Variants in RAPGEF4 observed in about 807,000 individuals in gnomAD.
The protein encoded by RAPGEF4 is RAP guanine-nucleotide-exchange factor (GEF) 4.
A neutral mutation model predicts 147.9 loss-of-function variants in RAPGEF4; 66 were observed. The ratio of observed to expected loss-of-function variants is 0.45; its 90% CI spans 0.37 to 0.55. The LOEUF is 0.55. Ranked by LOEUF, RAPGEF4 falls within the 20% of genes least tolerant of loss-of-function variation. The pLI, the probability that RAPGEF4 is intolerant of heterozygous loss-of-function variation, is 0.00. For synonymous variants in RAPGEF4, 419 were observed against 442.7 expected, an observed-to-expected ratio of 0.95 and a Z score of 0.67; for missense variants, 1,071 against 1,257.3, an observed-to-expected ratio of 0.85 and a Z score of 2.24.
At chr2:172,823,517 CGTG>C (rs1689317013) in intron 4 of RAPGEF4, among the ~76,000 whole-genome samples, 1 of 152,134 alleles carries the variant, frequency 6.6e-6, no homozygotes, top group Non-Finnish European at 1.5e-5. Context: ...AGAAGGAACT[CGTG>C]GTGAGGACTG....
chr2:172,814,289 C>T lies in RAPGEF4; in HGVS notation c.308C>T (p.Thr103Ile). The T allele has an allele frequency of 1.2e-6, 2 of 1,614,124 alleles. No individual in the cohort carries two copies. The highest frequency in any genetic ancestry group is 1.7e-6 in the Non-Finnish European group (2 of 1,179,996). ...TTTTGGGATCCTCAGGATGCTGTGA[C>T]CATCTGTACCCTGGGAATTGGGACG... is the stretch of plus-strand genomic sequence containing the variant. ...SETSSHQDAV[T>I]ICTLGIGTAF... Residue 103 changes from threonine (T) to isoleucine (I), a missense_variant, in exon 4 of 31, where the codon ACC becomes ATC. Coordinates refer to ENST00000397081, the MANE Select transcript of RAPGEF4 (RefSeq NM_007023.4).
At chr2:172,987,741 A>G (rs1692418412) in intron 12 of RAPGEF4, among the ~76,000 whole-genome samples, 1 of 152,252 alleles carries the variant, frequency 6.6e-6, no homozygotes. Context: ...GGATTTTGAT[A>G]TCCTTGGGAG....
chr2:172,783,774 G>A (rs913712932), intron 1 of RAPGEF4, among the ~76,000 whole-genome samples: 2 of 145,142 alleles, frequency 1.4e-5, no homozygotes, highest in Non-Finnish European at 1.5e-5. Context: ...GTGTATGTGT[G>A]AGTGTGTGTG....
At chr2:172,897,764 A>ATTTTATTTTATTTTATTTTAT (rs142965204) in intron 4 of RAPGEF4, among the ~76,000 whole-genome samples, 1 of 123,848 alleles carries the variant, frequency 8.1e-6, no homozygotes, top group African/African-American at 3.0e-5. Flanking sequence ...ATTTTATTTT[A>ATTTTATTTTATTTTATTTTAT]TTTATTTTAT....
chr2:173,003,188 T>G (rs569763154), intron 17 of RAPGEF4, among the ~76,000 whole-genome samples: 1 of 151,942 alleles, frequency 6.6e-6, no homozygotes, highest in African/African-American at 2.4e-5. Context: ...CCTTCAAGGG[T>G]TGACTGAGAA....
intron 1 of RAPGEF4, among the ~76,000 whole-genome samples, chr2:172,786,767 G>A (rs565355748): frequency 5.3e-5 from 8 of 152,132 alleles, no homozygotes; most frequent in Admixed American, 2.0e-4. Flanking sequence ...TCCCAGCTTC[G>A]TGAGAGTCTG....
chr2:172,821,577 A>G (rs1689062440), intron 4 of RAPGEF4: 1 of 989,478 alleles, frequency 1.0e-6, no homozygotes, highest in Admixed American at 6.1e-5. Flanking sequence ...CTCTCCTCAC[A>G]GTTCTGATTC....
At chr2:172,977,282 A>AT (rs956988478) in intron 10 of RAPGEF4, among the ~76,000 whole-genome samples, 9 of 151,752 alleles carry the variant, frequency 5.9e-5, no homozygotes, top group East Asian at 1.9e-4. Flanking sequence ...TCTCTTCTCC[A>AT]TTTTTTTTCC....
Position 172,988,281 on chromosome 2 carries a change from A to T in RAPGEF4, c.1227+9A>T. 6.2e-7 allele frequency: 1 copy of T among 1,603,624 alleles called. No individual in the cohort carries two copies. Among genetic ancestry groups the T allele is most frequent in the Non-Finnish European group, 8.5e-7 (1 of 1,177,638 alleles). On this transcript the variant is annotated intron_variant, in intron 13 of 30. Coordinates refer to ENST00000397081, the MANE Select transcript of RAPGEF4 (RefSeq NM_007023.4). The stretch of plus-strand genomic sequence containing the variant: ...TAGTCATTTACGGCAAGGTATATAT[A>T]TCTTTTTCTTTTTGAAACTTTATTA...
chr2:172,782,223 G>A (rs1305914220), intron 1 of RAPGEF4, among the ~76,000 whole-genome samples: 1 of 152,220 alleles, frequency 6.6e-6, no homozygotes, highest in Non-Finnish European at 1.5e-5. Context: ...TTCAGTTGGA[G>A]AAAGTCTTTG....
chr2:173,024,508 C>T (rs1438439884), intron 23 of RAPGEF4, among the ~76,000 whole-genome samples: 11 of 140,600 alleles, frequency 7.8e-5, no homozygotes, highest in African/African-American at 2.5e-4. Context: ...TGAGCCACCG[C>T]GCCCGGCCTG....
chr2:172,759,879 TAAAC>T (rs1696126799), intron 1 of RAPGEF4, among the ~76,000 whole-genome samples: 1 of 152,068 alleles, frequency 6.6e-6, no homozygotes, highest in Non-Finnish European at 1.5e-5. Flanking sequence ...ACGTTATATA[TAAAC>T]AAACAAAGAA....
chr2:172,983,142 A>G (rs541094001), intron 10 of RAPGEF4, among the ~76,000 whole-genome samples: 2 of 152,348 alleles, frequency 1.3e-5, no homozygotes, highest in South Asian at 4.1e-4. Flanking sequence ...GTTAAAAGAC[A>G]AGTTTTGCCA....
intron 4 of RAPGEF4, among the ~76,000 whole-genome samples, chr2:172,833,237 A>C (rs1418882159): frequency 1.4e-5 from 2 of 146,578 alleles, no homozygotes; most frequent in South Asian, 2.2e-4. Flanking sequence ...AAGGTATGGC[A>C]CTGAACATGT....
At chr2:172,847,447 C>G (rs1485340436) in intron 4 of RAPGEF4, among the ~76,000 whole-genome samples, 1 of 152,202 alleles carries the variant, frequency 6.6e-6, no homozygotes, top group Admixed American at 6.5e-5. Context: ...CCTGCCACCA[C>G]CTGGCTCATG....
At chr2:172,925,034 G>A (rs567983125) in intron 6 of RAPGEF4, among the ~76,000 whole-genome samples, 13 of 152,234 alleles carry the variant, frequency 8.5e-5, no homozygotes, top group South Asian at 2.1e-4. Flanking sequence ...TGCAAGCTCC[G>A]CAGTGGCATG....
chr2:172,885,741 G>A (rs1157555145), intron 4 of RAPGEF4, among the ~76,000 whole-genome samples: 2 of 152,134 alleles, frequency 1.3e-5, no homozygotes, highest in Non-Finnish European at 2.9e-5. Flanking sequence ...ACAACACATA[G>A]GAATTATGGG....
chr2:172,914,490 C>T (rs991631010), intron 4 of RAPGEF4, among the ~76,000 whole-genome samples: 3 of 151,610 alleles, frequency 2.0e-5, no homozygotes, highest in African/African-American at 4.8e-5. Flanking sequence ...TGAGCCACCA[C>T]GCCCTGCCGG....
chr2:172,953,965 T>C (rs1688477324), intron 6 of RAPGEF4, among the ~76,000 whole-genome samples: 1 of 152,218 alleles, frequency 6.6e-6, no homozygotes, highest in South Asian at 2.1e-4. Context: ...AAGACACTCC[T>C]AAAGTCTTTT....
Sources: allele counts gnomAD v4.1 joint callset (sites outside exome capture counted in the v4.1 genomes callset), GRCh38; gene constraint gnomAD v4.1.1; transcripts MANE v1.5; gene names NCBI Gene and HGNC (gene_info 2026-07-23, HGNC 2026-07-21).